Variants in OTUD5 observed in about 807,000 individuals in gnomAD.
OTUD5 encodes OTU deubiquitinase 5, also known as OTU domain-containing protein 5.
OTUD5 carries 2 observed loss-of-function variants against 36.3 expected under a neutral mutation model. The observed-to-expected ratio is 0.06, with a 90% CI of 0.02 to 0.17. OTUD5 has a LOEUF of 0.17. Ranked by LOEUF, OTUD5 falls within the 10% of genes least tolerant of loss-of-function variation. The probability of loss-of-function intolerance (pLI) is 1.00; values close to 1 mark genes in which losing one functional copy is unlikely to be tolerated. For synonymous variants in OTUD5, 234 were observed against 214.9 expected, an observed-to-expected ratio of 1.09 and a Z score of -0.78; for missense variants, 233 against 512.3, an observed-to-expected ratio of 0.45 and a Z score of 5.26.
At chrX:48,938,528 A>G (rs1351057637) in intron 2 of OTUD5, among the ~76,000 whole-genome samples, 4 of 109,964 alleles carry the variant, frequency 3.6e-5, no homozygotes, top group Non-Finnish European at 5.7e-5. Context: ...CCCTATCTCT[A>G]CTAAAAATAC....
At chrX:48,937,388 G>GT (rs1285539255) in intron 2 of OTUD5, among the ~76,000 whole-genome samples, 1 of 112,212 alleles carries the variant, frequency 8.9e-6, no homozygotes, top group Non-Finnish European at 1.9e-5. Context: ...TTAAATAGGG[G>GT]TTGGCTGGCC....
chrX:48,926,082 A>C lies in OTUD5; in HGVS notation c.1060-32T>G, dbSNP rs782438615. ...GGAGGGAGAGGAACAGGGATGTGCA[A>C]TAACACACTGAACCTGCCCAAGAGC... is the stretch of plus-strand genomic sequence containing the variant. On this transcript the variant is annotated intron_variant, in intron 5 of 8. Coordinates refer to ENST00000376488, the MANE Select transcript of OTUD5 (RefSeq NM_001136157.2). 3.6e-6 allele frequency: 4 copies of C among 1,118,086 alleles called. No homozygotes were observed. The Admixed American group carries it at 8.7e-5, about 24-fold the overall frequency. 92.1% of individuals were successfully genotyped at this position (1,118,086 alleles called of 1,213,427 possible).
At chrX:48,942,020 C>A (rs1442033513) in intron 2 of OTUD5, among the ~76,000 whole-genome samples, 5 of 110,683 alleles carry the variant, frequency 4.5e-5, no homozygotes, top group African/African-American at 1.6e-4. Flanking sequence ...AGGCCTTCAA[C>A]CTGCCCTGGT....
rs782379727 is a variant in OTUD5 at position 48,923,131 on chromosome X, G to A, written c.*43C>T. 8.3e-7 allele frequency: 1 copy of A among 1,210,129 alleles called. No homozygotes were observed. Among genetic ancestry groups the A allele is most frequent in the Admixed American group, 2.2e-5 (1 of 45,934 alleles). Reference sequence around the variant, plus strand: ...AAGGTGAGGTGGCACCGGAGAGCAGGAGTACTGGGGTTGGGAGATGGTGTC... The same window carrying A: ...AAGGTGAGGTGGCACCGGAGAGCAGAAGTACTGGGGTTGGGAGATGGTGTC... On this transcript the variant is annotated 3_prime_UTR_variant, in exon 9 of 9. Transcript: ENST00000376488.
At chrX:48,941,251 T>G (rs996915970) in intron 2 of OTUD5, among the ~76,000 whole-genome samples, 6 of 108,909 alleles carry the variant, frequency 5.5e-5, no homozygotes, top group Non-Finnish European at 1.1e-4. Context: ...ACCAACATGG[T>G]GAAACCCCAT....
intron 1 of OTUD5, among the ~76,000 whole-genome samples, chrX:48,948,161 G>A (rs782369620): frequency 2.5e-4 from 28 of 112,310 alleles, no homozygotes; most frequent in Admixed American, 8.5e-4. Context: ...CAGCCTGGCC[G>A]ACATGGCGAA....
chrX:48,928,623 T>C lies in OTUD5; in HGVS notation c.1060-2573A>G, dbSNP rs146504558. ...GGGAGGATCACTTGTCCCCAGGAAT[T>C]TGAGATTGGCCTGAGCAACACAGTG... On this transcript the variant is annotated intron_variant, in intron 5 of 8. Coordinates refer to ENST00000376488, the MANE Select transcript of OTUD5 (RefSeq NM_001136157.2). 1.4e-3 allele frequency among the ~76,000 whole-genome samples: 159 copies of C among 110,537 alleles called. 5 individuals are homozygous for C. In the East Asian group the frequency reaches 0.044, roughly 31 times the overall value.
intron 1 of OTUD5, among the ~76,000 whole-genome samples, chrX:48,945,014 ACT>A (rs2063998386): frequency 9.5e-6 from 1 of 105,108 alleles, no homozygotes; most frequent in African/African-American, 3.6e-5. Flanking sequence ...CAAGAGCGAA[ACT>A]CTGTCTCAAA....
At chrX:48,931,521 G>A (rs1557048765) in intron 5 of OTUD5, among the ~76,000 whole-genome samples, 1 of 112,585 alleles carries the variant, frequency 8.9e-6, no homozygotes. Flanking sequence ...GCTCACGCCT[G>A]TAATCCCAGC....
chrX:48,934,872 A>G lies in OTUD5; in HGVS notation c.754-5T>C. 1 of 1,209,538 alleles carries G rather than the reference A, an allele frequency of 8.3e-7. No individual in the cohort carries two copies. ...GAAGTAGTCGGCATTCTTCATCTGCAGAATAGATTGGAAGGTTAAGGTCTG... is the reference window on the plus strand; with the variant it reads ...GAAGTAGTCGGCATTCTTCATCTGCGGAATAGATTGGAAGGTTAAGGTCTG... On this transcript the variant is annotated splice_polypyrimidine_tract_variant and splice_region_variant and intron_variant, in intron 3 of 8. Transcript: ENST00000376488.
chrX:48,948,479 G>A (rs1166219475), intron 1 of OTUD5, among the ~76,000 whole-genome samples: 1 of 112,615 alleles, frequency 8.9e-6, no homozygotes, highest in Admixed American at 9.4e-5. Context: ...GCCACAGCAT[G>A]GAGGACATAC....
At position 48,922,340 on chromosome X, in the gene OTUD5, G is replaced by T; in HGVS notation, c.*834C>A. 1 of 143,199 alleles carries T rather than the reference G, an allele frequency of 7.0e-6. No individual in the cohort carries two copies. Among genetic ancestry groups the T allele is most frequent in the Non-Finnish European group, 1.2e-5 (1 of 80,001 alleles). The allele number at this position is 143,199 out of a possible 1,213,427, so 11.8% of individuals were successfully genotyped here. ...CCCTACACTCAAATCCCGGGTGGCA[G>T]CCATAATCCCCAAAGATGACCCCCA... On this transcript the variant is annotated 3_prime_UTR_variant, in exon 9 of 9. Transcript: ENST00000376488.
At chrX:48,953,769 CCA>C (rs782445471) in intron 1 of OTUD5, among the ~76,000 whole-genome samples, 9 of 111,286 alleles carry the variant, frequency 8.1e-5, no homozygotes, top group Admixed American at 1.9e-4. Context: ...CACCTGGACC[CCA>C]GAGTGCCAAA....
At chrX:48,945,239 A>G (rs182758447) in intron 1 of OTUD5, among the ~76,000 whole-genome samples, 33 of 108,591 alleles carry the variant, frequency 3.0e-4, no homozygotes, top group East Asian at 1.7e-3. Flanking sequence ...AAGTTACACT[A>G]AACCCAAAAA....
rs782200258 is a variant in OTUD5 at position 48,941,283 on chromosome X, T to C, written c.688+2907A>G. Among the ~76,000 whole-genome samples, 7 of 108,432 alleles carry C rather than the reference T, an allele frequency of 6.5e-5. No individual in the cohort carries two copies. In the South Asian group the frequency reaches 2.8e-3, roughly 44 times the overall value. 94.2% of individuals were successfully genotyped at this position (108,432 alleles called of 115,157 possible). A position where few individuals can be genotyped will look rare whatever the true frequency, so the allele number is the denominator to read the frequency against. ...CCATCTCTGCTAAAAACACAAAAATTAACCAGGTGTGGTGGTGCACGCCTG... is the reference window on the plus strand; with the variant it reads ...CCATCTCTGCTAAAAACACAAAAATCAACCAGGTGTGGTGGTGCACGCCTG... On this transcript the variant is annotated intron_variant, in intron 2 of 8. Coordinates refer to ENST00000376488, the MANE Select transcript of OTUD5 (RefSeq NM_001136157.2).
At chrX:48,947,129 A>G (rs1384311140) in intron 1 of OTUD5, among the ~76,000 whole-genome samples, 1 of 112,577 alleles carries the variant, frequency 8.9e-6, no homozygotes, top group African/African-American at 3.2e-5. Context: ...CTGTAATCCC[A>G]GCACTTTGGG....
At chrX:48,932,993 G>T (rs189563147) in intron 5 of OTUD5, among the ~76,000 whole-genome samples, 1 of 108,980 alleles carries the variant, frequency 9.2e-6, no homozygotes, top group East Asian at 2.9e-4. Context: ...CTCTCCACCC[G>T]CCCACCAAAA....
chrX:48,954,156 C>A (rs6609814), intron 1 of OTUD5, among the ~76,000 whole-genome samples: 1 of 110,506 alleles, frequency 9.0e-6, no homozygotes, highest in East Asian at 2.8e-4. Context: ...AAGATGAGGT[C>A]TCGCTATGTT....
chrX:48,941,185 C>T (rs1242781399), intron 2 of OTUD5, among the ~76,000 whole-genome samples: 2 of 111,043 alleles, frequency 1.8e-5, no homozygotes, highest in Non-Finnish European at 3.8e-5. Context: ...ATAATCCCAA[C>T]ACTTTGGGAG....
Sources: gnomAD v4.1 joint callset for allele counts (sites outside exome capture counted in the v4.1 genomes callset) on GRCh38, gnomAD v4.1.1 for gene constraint, MANE v1.5 for transcripts, NCBI Gene and HGNC (gene_info 2026-07-23, HGNC 2026-07-21) for gene names.